Variants in NR3C1 observed in about 807,000 individuals in gnomAD.
NR3C1 encodes glucocorticoid receptor.
NR3C1 carries 14 observed loss-of-function variants against 74.0 expected under a neutral mutation model. The ratio of observed to expected loss-of-function variants is 0.19; its 90% CI spans 0.12 to 0.30. The LOEUF is 0.30. Ranked by LOEUF, NR3C1 falls within the 10% of genes least tolerant of loss-of-function variation. NR3C1 has a pLI of 1.00. For missense variants in NR3C1, 695 were observed against 909.8 expected, an observed-to-expected ratio of 0.76 and a Z score of 3.04; for synonymous variants, 308 against 332.5, an observed-to-expected ratio of 0.93 and a Z score of 0.80.
chr5:143,427,922 C>G (rs1033445302), intron 1 of NR3C1, among the ~76,000 whole-genome samples: 8 of 152,176 alleles, frequency 5.3e-5, no homozygotes, highest in African/African-American at 1.7e-4. Flanking sequence ...TGACACTGTG[C>G]CTGGCACAAT....
chr5:143,425,320 C>T (rs1212501648), intron 1 of NR3C1, among the ~76,000 whole-genome samples: 1 of 152,038 alleles, frequency 6.6e-6, no homozygotes, highest in Non-Finnish European at 1.5e-5. Context: ...TTGTTAGTTA[C>T]AATACCAAAA....
Position 143,281,690 on chromosome 5 carries a change from A to G in NR3C1, c.*199T>C, listed in dbSNP as rs974019003. On this transcript the variant is annotated 3_prime_UTR_variant, in exon 9 of 9. Transcript: ENST00000394464. ...TTCACCATCTACTCTCCCATCACTG[A>G]AAAGTGATGACGACTCAACTGCTTC... The G allele has an allele frequency of 5.3e-6, 3 of 566,606 alleles. No individual in the cohort carries two copies. Among genetic ancestry groups the G allele is most frequent in the Non-Finnish European group, 9.4e-6 (3 of 319,512 alleles). 35.1% of individuals were successfully genotyped at this position (566,606 alleles called of 1,614,324 possible). A position where few individuals can be genotyped will look rare whatever the true frequency, so the allele number is the denominator to read the frequency against.
chr5:143,298,699 G>T lies in NR3C1; in HGVS notation c.1861C>A (p.Leu621Met), dbSNP rs758151443. ...ATAATCAGATCAGGAGCAAAACACAGCAGGTTTGCACTTGATTGTCTATAT... is the reference window on the plus strand; with the variant it reads ...ATAATCAGATCAGGAGCAAAACACATCAGGTTTGCACTTGATTGTCTATAT... Reference protein sequence around the residue: ...RSYRQSSANLLCFAPDLIINE... With the variant: ...RSYRQSSANLMCFAPDLIINE... The change falls in exon 6 of 9, where the codon CTG (leucine) becomes ATG (methionine). Residue 621 changes from leucine to methionine, a missense_variant. By Grantham distance (15) the Leu-to-Met change is conservative. Transcript: ENST00000394464. 2 of 1,613,792 alleles carry T rather than the reference G, an allele frequency of 1.2e-6. No homozygotes were observed. Among genetic ancestry groups the T allele is most frequent in the Non-Finnish European group, 1.7e-6 (2 of 1,179,860 alleles).
intron 7 of NR3C1, among the ~76,000 whole-genome samples, chr5:143,284,518 G>A (rs369575730): frequency 1.2e-4 from 16 of 130,734 alleles, no homozygotes; most frequent in African/African-American, 3.2e-4. Context: ...GTAAAACAGC[G>A]ATGGCTTATA....
upstream of NR3C1, among the ~76,000 whole-genome samples, chr5:143,406,395 G>A (rs1383651488): frequency 1.5e-5 from 2 of 137,668 alleles, no homozygotes; most frequent in Non-Finnish European, 3.1e-5. Flanking sequence ...CATTGAAAAC[G>A]TTTTTAATTG....
intron 2 of NR3C1, among the ~76,000 whole-genome samples, chr5:143,356,402 C>T (rs1831145857): frequency 6.6e-6 from 1 of 151,682 alleles, no homozygotes; most frequent in South Asian, 2.1e-4. Flanking sequence ...AAAAAATGAA[C>T]CCTGATTATC....
chr5:143,320,128 C>G (rs1486047603), intron 2 of NR3C1, among the ~76,000 whole-genome samples: 1 of 152,180 alleles, frequency 6.6e-6, no homozygotes, highest in Non-Finnish European at 1.5e-5. Context: ...TTTCTGACTG[C>G]CCATTTATCT....
chr5:143,373,561 C>G (rs944726887), intron 2 of NR3C1, among the ~76,000 whole-genome samples: 1 of 151,550 alleles, frequency 6.6e-6, no homozygotes, highest in Non-Finnish European at 1.5e-5. Flanking sequence ...TGTATACCTA[C>G]GTAACAAACC....
At chr5:143,365,006 C>G (rs1254486867) in intron 2 of NR3C1, among the ~76,000 whole-genome samples, 1 of 152,076 alleles carries the variant, frequency 6.6e-6, no homozygotes, top group Non-Finnish European at 1.5e-5. Context: ...TGTGCCCAAC[C>G]TAGGCTGTTA....
chr5:143,389,066 A>G (rs1260974971), intron 2 of NR3C1, among the ~76,000 whole-genome samples: 1 of 152,060 alleles, frequency 6.6e-6, no homozygotes, highest in Non-Finnish European at 1.5e-5. Context: ...CTTGTTTCCC[A>G]TTCATTCATG....
intron 3 of NR3C1, among the ~76,000 whole-genome samples, chr5:143,313,512 T>G (rs1238363342): frequency 6.6e-6 from 1 of 152,066 alleles, no homozygotes; most frequent in Non-Finnish European, 1.5e-5. Context: ...TTATTGGTAT[T>G]TATACCACTT....
At chr5:143,307,828 C>T (rs1405100530) in intron 4 of NR3C1, among the ~76,000 whole-genome samples, 1 of 152,132 alleles carries the variant, frequency 6.6e-6, no homozygotes, top group Non-Finnish European at 1.5e-5. Context: ...GGGCAGAGAT[C>T]TGGTATCTAA....
At chr5:143,365,383 T>TATAC (rs1272297624) in intron 2 of NR3C1, among the ~76,000 whole-genome samples, 12 of 152,288 alleles carry the variant, frequency 7.9e-5, no homozygotes, top group Admixed American at 3.3e-4. Flanking sequence ...CTGAAGTGGC[T>TATAC]ATACTAATAT....
intron 2 of NR3C1, among the ~76,000 whole-genome samples, chr5:143,321,272 T>G (rs965830168): frequency 2.0e-5 from 3 of 152,194 alleles, no homozygotes; most frequent in African/African-American, 7.2e-5. Context: ...TTCTAAATAT[T>G]TTATTCGATT....
At chr5:143,338,763 A>G (rs1436006638) in intron 2 of NR3C1, among the ~76,000 whole-genome samples, 1 of 152,188 alleles carries the variant, frequency 6.6e-6, no homozygotes, top group Non-Finnish European at 1.5e-5. Context: ...ATTTTTCTAT[A>G]AATTTAGTGT....
At chr5:143,403,866 C>G (rs936849065), upstream of NR3C1, 5 of 977,364 alleles carry the variant, frequency 5.1e-6, no homozygotes, top group African/African-American at 8.8e-5. Flanking sequence ...CACCCCGGCC[C>G]CGACGGCGCC....
In NR3C1 at chr5:143,400,053, G is replaced by GATTGT. The variant is rs1839970267; in HGVS notation, c.786_787insACAAT (p.Leu263ThrfsTer11). 6.2e-7 allele frequency: 1 copy of GATTGT among 1,614,052 alleles called. No homozygotes were observed. The highest frequency in any genetic ancestry group is 8.5e-7 in the Non-Finnish European group (1 of 1,180,030). ...ACATTACTGGGGCTTGACAAAACCA[G>GATTGT]ATCTCCATTATCCTTAATTTTGGGT... On this transcript the variant is annotated frameshift_variant, in exon 2 of 9. Transcript: ENST00000394464. LOFTEE classifies it high-confidence loss of function.
chr5:143,393,405 T>C (rs1838644169), intron 2 of NR3C1, among the ~76,000 whole-genome samples: 1 of 152,162 alleles, frequency 6.6e-6, no homozygotes, highest in Admixed American at 6.5e-5. Context: ...GAAAGTATTT[T>C]TGACTCCAAA....
chr5:143,351,505 T>A (rs534225077), intron 2 of NR3C1, among the ~76,000 whole-genome samples: 1 of 152,194 alleles, frequency 6.6e-6, no homozygotes, highest in Non-Finnish European at 1.5e-5. Context: ...TGTCCAGGGC[T>A]CTCTTCATTT....
Sources: gnomAD v4.1 joint callset for allele counts (sites outside exome capture counted in the v4.1 genomes callset) on GRCh38, gnomAD v4.1.1 for gene constraint, MANE v1.5 for transcripts, NCBI Gene and HGNC (gene_info 2026-07-23, HGNC 2026-07-21) for gene names.